Variants in SIPA1L1 observed in about 807,000 individuals in gnomAD.
The protein encoded by SIPA1L1 is signal induced proliferation associated 1 like 1.
In SIPA1L1, 26 loss-of-function variants were observed where a neutral mutation model predicts 162.7. The ratio of observed to expected loss-of-function variants is 0.16; its 90% CI spans 0.12 to 0.22. The LOEUF is 0.22. SIPA1L1 is among the 10% of genes least tolerant of loss of function. The pLI is 1.00. For missense variants in SIPA1L1, 1,874 were observed against 2,241.0 expected, an observed-to-expected ratio of 0.84 and a Z score of 3.31; for synonymous variants, 829 against 837.4, an observed-to-expected ratio of 0.99 and a Z score of 0.17.
rs185648790 is a variant in SIPA1L1, at chr14:71,622,896, C to T, written c.1630-1152C>T. 1.6e-4 allele frequency among the ~76,000 whole-genome samples: 25 copies of T among 152,324 alleles called. No individual in the cohort carries two copies. The East Asian group carries it at 4.6e-3, about 28-fold the overall frequency. On this transcript the variant is annotated intron_variant, in intron 6 of 23. Coordinates refer to ENST00000381232, the MANE Select transcript of SIPA1L1 (RefSeq NM_001386936.1). ...ACCCCCAGCTCACAGCTGCCTCATCCATTTCTCCCTGTACTCTCCTTGTGT... is the reference window on the plus strand; with the variant it reads ...ACCCCCAGCTCACAGCTGCCTCATCTATTTCTCCCTGTACTCTCCTTGTGT...
At chr14:71,528,047 C>T (rs144919004) in intron 3 of SIPA1L1, among the ~76,000 whole-genome samples, 6 of 152,224 alleles carry the variant, frequency 3.9e-5, no homozygotes, top group Middle Eastern at 3.4e-3. Context: ...GCCATTGTAC[C>T]GGCTATTATC....
intron 2 of SIPA1L1, among the ~76,000 whole-genome samples, chr14:71,400,387 G>A (rs1182626445): frequency 4.6e-5 from 7 of 152,042 alleles, no homozygotes; most frequent in Admixed American, 4.6e-4. Flanking sequence ...GGCTATTTTG[G>A]CATCATTACA....
chr14:71,385,994 C>G (rs775737207), intron 2 of SIPA1L1, among the ~76,000 whole-genome samples: 1 of 152,072 alleles, frequency 6.6e-6, no homozygotes, highest in Non-Finnish European at 1.5e-5. Flanking sequence ...CCTGCACATT[C>G]TTTTGTTTTC....
At position 71,459,864 on chromosome 14, in the gene SIPA1L1, C is replaced by T. The variant is rs116603202; in HGVS notation, c.-464-52879C>T. ...CCCTTAGTATTAACCATTACAAGTC[C>T]GCCCCTTGTCACCTTGGACCCATAC... On this transcript the variant is annotated intron_variant, in intron 2 of 23. Transcript: ENST00000381232. Among the ~76,000 whole-genome samples, 896 of 152,208 alleles carry T rather than the reference C, an allele frequency of 5.9e-3. 14 individuals carry two copies. Among genetic ancestry groups the T allele is most frequent in the African/African-American group, 0.02 (841 of 41,532 alleles).
intron 2 of SIPA1L1, among the ~76,000 whole-genome samples, chr14:71,382,674 G>T (rs1480467148): frequency 6.6e-6 from 1 of 152,068 alleles, no homozygotes; most frequent in Non-Finnish European, 1.5e-5. Flanking sequence ...TTGTAATTAG[G>T]ATGAATTGCT....
At chr14:71,685,676 A>G (rs2046228229) in intron 13 of SIPA1L1, 45 bp downstream of exon 13, 1 of 1,605,536 alleles carries the variant, frequency 6.2e-7, no homozygotes, top group African/African-American at 1.3e-5. Flanking sequence ...TCTGCCCCAA[A>G]TGTAAGTAAC....
chr14:71,632,423 T>C (rs1272682952), intron 7 of SIPA1L1, among the ~76,000 whole-genome samples: 6 of 152,208 alleles, frequency 3.9e-5, no homozygotes, highest in Admixed American at 3.9e-4. Context: ...GGAATCTCTC[T>C]ACTCCAACTG....
At chr14:71,333,169 G>C (rs1384719544) in intron 2 of SIPA1L1, among the ~76,000 whole-genome samples, 1 of 152,142 alleles carries the variant, frequency 6.6e-6, no homozygotes, top group Non-Finnish European at 1.5e-5. Flanking sequence ...CAGATGATTG[G>C]TATAATGTGT....
intron 2 of SIPA1L1, among the ~76,000 whole-genome samples, chr14:71,378,233 T>C (rs2039591909): frequency 6.6e-6 from 1 of 152,162 alleles, no homozygotes; most frequent in African/African-American, 2.4e-5. Context: ...ACTTCTGTTT[T>C]CTGTTATTTT....
chr14:71,402,264 C>T (rs2041723343), intron 2 of SIPA1L1, among the ~76,000 whole-genome samples: 1 of 151,696 alleles, frequency 6.6e-6, no homozygotes, highest in African/African-American at 2.4e-5. Flanking sequence ...ATATTGATGG[C>T]ATTGTATAAA....
intron 8 of SIPA1L1, among the ~76,000 whole-genome samples, chr14:71,657,674 C>CT (rs11320179): frequency 0.065 from 9,425 of 144,026 alleles, 343 homozygotes; most frequent in African/African-American, 0.1. Context: ...AAATTATTGT[C>CT]TTTTTTTTTT....
chr14:71,714,180 G>T (rs754624060), intron 17 of SIPA1L1, among the ~76,000 whole-genome samples: 1 of 152,090 alleles, frequency 6.6e-6, no homozygotes, highest in African/African-American at 2.4e-5. Context: ...TGGCCTAAGC[G>T]ATCTTGCCAC....
Position 71,604,046 on chromosome 14 carries a change from G to C in SIPA1L1, c.1498+14676G>C, listed in dbSNP as rs545913918. 4.2e-5 allele frequency among the ~76,000 whole-genome samples: 6 copies of C among 142,604 alleles called. No homozygotes were observed. The South Asian group carries it at 1.3e-3, about 31-fold the overall frequency. 93.6% of individuals were successfully genotyped at this position (142,604 alleles called of 152,430 possible). A position where few individuals can be genotyped will look rare whatever the true frequency, so the allele number is the denominator to read the frequency against. On this transcript the variant is annotated intron_variant, in intron 5 of 23. Coordinates refer to ENST00000381232, the MANE Select transcript of SIPA1L1 (RefSeq NM_001386936.1). Reference sequence around the variant, plus strand: ...AAGTTTTGCTCTCTCAACCAGACTAGAGTGTAGAGGCCTGATCTCAGCTAA... The same window carrying C: ...AAGTTTTGCTCTCTCAACCAGACTACAGTGTAGAGGCCTGATCTCAGCTAA...
At chr14:71,515,448 G>GA in intron 3 of SIPA1L1, among the ~76,000 whole-genome samples, 1 of 152,174 alleles carries the variant, frequency 6.6e-6, no homozygotes, top group South Asian at 2.1e-4. Flanking sequence ...TACTTAAAAT[G>GA]AAAATCTCTT....
chr14:71,674,654 T>A (rs1350759559), intron 12 of SIPA1L1, among the ~76,000 whole-genome samples: 1 of 148,264 alleles, frequency 6.7e-6, no homozygotes, highest in Admixed American at 6.8e-5. Context: ...AAGCTCCGCC[T>A]CCCGGGTTCA....
intron 15 of SIPA1L1, among the ~76,000 whole-genome samples, chr14:71,703,926 TA>T (rs2082266504): frequency 6.6e-6 from 1 of 152,214 alleles, no homozygotes; most frequent in South Asian, 2.1e-4. Context: ...ATCCCACTCT[TA>T]ATAGATAAGA....
At chr14:71,564,198 C>G (rs1252035865) in intron 4 of SIPA1L1, among the ~76,000 whole-genome samples, 1 of 152,092 alleles carries the variant, frequency 6.6e-6, no homozygotes, top group Non-Finnish European at 1.5e-5. Context: ...ATCCTCTTGC[C>G]TCAGCCTCCC....
At chr14:71,628,907 A>G (rs895288366) in intron 7 of SIPA1L1, among the ~76,000 whole-genome samples, 1 of 152,184 alleles carries the variant, frequency 6.6e-6, no homozygotes, top group Admixed American at 6.5e-5. Flanking sequence ...GCTGAGCAGG[A>G]GTGTGAGGCA....
chr14:71,521,650 A>G (rs1303545501), intron 3 of SIPA1L1, among the ~76,000 whole-genome samples: 1 of 152,224 alleles, frequency 6.6e-6, no homozygotes, highest in Non-Finnish European at 1.5e-5. Context: ...TTTGCTACAA[A>G]TATGTGTCCA....
Sources: allele counts gnomAD v4.1 joint callset (sites outside exome capture counted in the v4.1 genomes callset), GRCh38; gene constraint gnomAD v4.1.1; transcripts MANE v1.5; gene names NCBI Gene and HGNC (gene_info 2026-07-23, HGNC 2026-07-21).